The following RAB44 variants were observed in gnomAD, a reference collection of about 807,000 sequenced individuals.
RAB44 encodes the protein RAB44, member RAS oncogene family.
In RAB44, 67 loss-of-function variants were observed where a neutral mutation model predicts 93.3. That is an observed-to-expected ratio of 0.72 (90% confidence interval 0.59 to 0.88). The LOEUF is 0.88. RAB44 is among the 40% of genes least tolerant of loss of function. RAB44 has a pLI of 0.00. For missense variants in RAB44, 1,064 were observed against 1,261.7 expected (o/e 0.84, Z 2.37); for synonymous variants, 427 against 520.3 (o/e 0.82, Z 2.44).
At position 36,730,717 on chromosome 6, in the gene RAB44, C is replaced by T. The variant is rs1217677824; in HGVS notation, c.2943C>T (p.His981=). 4.1e-6 allele frequency: 5 copies of T among 1,234,216 alleles called. No individual in the cohort carries two copies. Among genetic ancestry groups the T allele is most frequent in the Non-Finnish European group, 4.0e-6 (4 of 988,406 alleles). The allele number at this position is 1,234,216 out of a possible 1,614,324, so 76.5% of individuals were successfully genotyped here. A position where few individuals can be genotyped will look rare whatever the true frequency, so the allele number is the denominator to read the frequency against. ...GGGAGTGCAGTGCCGCCTTGGGTCACAACATCCTGGAGCCTGTAGTAAACC... is the reference window on the plus strand; with the variant it reads ...GGGAGTGCAGTGCCGCCTTGGGTCATAACATCCTGGAGCCTGTAGTAAACC... ...YFGECSAALG[H]NILEPVVNLA... is the part of the protein sequence containing the mutation. Residue 981 remains histidine, a synonymous_variant, in exon 13 of 14, where the codon CAC becomes CAT. Transcript: ENST00000612677.
Position 36,715,102 on chromosome 6 carries a change from A to AATATATATATATATATATATATATATAT in RAB44, c.320-361_320-360insATATATATATATATATATATATATATAT, listed in dbSNP as rs3046039. ...TGGCTCACTTAGCAAGTTGGCTTAAAATATATATATATATATTCTTTTCAA... is the reference window on the plus strand; with the variant it reads ...TGGCTCACTTAGCAAGTTGGCTTAAAATATATATATATATATATATATATATATATATATATATATATATTCTTTTCAA... On this transcript the variant is annotated intron_variant, in intron 3 of 13. Transcript: ENST00000612677. Among the ~76,000 whole-genome samples the AATATATATATATATATATATATATATAT allele has an allele frequency of 2.6e-3, 378 of 148,046 alleles. 4 individuals carry two copies. Among genetic ancestry groups the AATATATATATATATATATATATATATAT allele is most frequent in the African/African-American group, 9.2e-3 (354 of 38,640 alleles).
chr6:36,719,275 A>G (rs1477756387), intron 7 of RAB44, among the ~76,000 whole-genome samples: 3 of 152,110 alleles, frequency 2.0e-5, no homozygotes, highest in Non-Finnish European at 4.4e-5. Context: ...CGTCCTCACC[A>G]CGGCCTGGGC....
chr6:36,731,014 T>C lies in RAB44; in HGVS notation c.2975+265T>C, dbSNP rs1336803301. 6.6e-6 allele frequency among the ~76,000 whole-genome samples: 1 copy of C among 152,022 alleles called. No individual in the cohort carries two copies. On this transcript the variant is annotated intron_variant, in intron 13 of 13. Transcript: ENST00000612677. The surrounding 1 kb of genome is among the most constrained non-coding windows in gnomAD (Gnocchi z 4.0). ...CTTAGGCTCTCTGAGCCTCAGTTTT[T>C]TCATTTGCAAAGAGGGCTGAGAAAA...
In RAB44 at chr6:36,731,723, C is replaced by T. The variant is rs911444963; in HGVS notation, c.2976-280C>T. ...CCCATCATTCCCGGGCTGCAGTCAC[C>T]CCTTTTCCTGTCTGTCTCTCTCACT... is the stretch of plus-strand genomic sequence containing the variant. On this transcript the variant is annotated intron_variant, in intron 13 of 13. Coordinates refer to ENST00000612677, the MANE Select transcript of RAB44 (RefSeq NM_001257357.2). This position sits in a 1 kb window ranked among gnomAD's most constrained non-coding sequence, Gnocchi z 4.0. Among the ~76,000 whole-genome samples, 3 of 152,124 alleles carry T rather than the reference C, an allele frequency of 2.0e-5. No homozygotes were observed. Among genetic ancestry groups the T allele is most frequent in the Non-Finnish European group, 4.4e-5 (3 of 68,020 alleles).
intron 9 of RAB44, among the ~76,000 whole-genome samples, chr6:36,725,155 C>T (rs1763204453): frequency 6.6e-6 from 1 of 152,156 alleles, no homozygotes; most frequent in Non-Finnish European, 1.5e-5. Context: ...ATTGCATGCT[C>T]TCTGGGTCAC....
At chr6:36,697,959 G>C (rs1762421123) in intron 1 of RAB44, 44 bp downstream of exon 1, 1 of 152,370 alleles carries the variant, frequency 6.6e-6, no homozygotes, top group African/African-American at 2.4e-5. Flanking sequence ...TTCTTTGGAA[G>C]GATGAGGATG....
At chr6:36,709,810 G>A (rs963534275) in intron 2 of RAB44, among the ~76,000 whole-genome samples, 5 of 152,144 alleles carry the variant, frequency 3.3e-5, no homozygotes, top group African/African-American at 1.2e-4. Context: ...ACCTGCCTAG[G>A]CCTCCCAAAG....
At chr6:36,699,241 A>G (rs1762455697) in intron 1 of RAB44, among the ~76,000 whole-genome samples, 1 of 152,120 alleles carries the variant, frequency 6.6e-6, no homozygotes, top group Admixed American at 6.5e-5. Context: ...TTCTTAAAAA[A>G]TGCCAGGGGA....
chr6:36,729,276 T>A (rs890365642), intron 12 of RAB44, among the ~76,000 whole-genome samples: 6 of 152,160 alleles, frequency 3.9e-5, no homozygotes, highest in African/African-American at 1.4e-4. Context: ...GTGAACACTA[T>A]CTATTCATGA....
chr6:36,705,170 A>C (rs1163718424), intron 2 of RAB44, among the ~76,000 whole-genome samples: 2 of 152,094 alleles, frequency 1.3e-5, no homozygotes, highest in Non-Finnish European at 2.9e-5. Context: ...TGGTTCAAAG[A>C]GCGTTTGAGA....
intron 2 of RAB44, among the ~76,000 whole-genome samples, chr6:36,708,535 G>A (rs772794722): frequency 1.1e-4 from 16 of 152,032 alleles, no homozygotes; most frequent in Non-Finnish European, 1.8e-4. Context: ...AGATTAAGAC[G>A]TCATGGGAGA....
intron 10 of RAB44, among the ~76,000 whole-genome samples, chr6:36,726,393 C>T (rs1763240519): frequency 6.6e-6 from 1 of 152,066 alleles, no homozygotes; most frequent in Non-Finnish European, 1.5e-5. Flanking sequence ...TACAGGTGCC[C>T]ACCACCACAT....
Position 36,725,854 on chromosome 6 carries a change from T to C in RAB44, c.2600-8T>C, listed in dbSNP as rs1357943374. 2 of 1,548,624 alleles carry C rather than the reference T, an allele frequency of 1.3e-6. No homozygotes were observed. The highest frequency in any genetic ancestry group is 2.4e-5 in the South Asian group (2 of 84,038). ...TTAGTAGGCTTCACCCCTCTCTATG[T>C]GTCCTAGGAGTAGATTTTCGGGTCA... is the stretch of plus-strand genomic sequence containing the variant. On this transcript the variant is annotated splice_region_variant and splice_polypyrimidine_tract_variant and intron_variant, in intron 9 of 13. Transcript: ENST00000612677.
chr6:36,704,693 T>C (rs1476870815), intron 2 of RAB44, among the ~76,000 whole-genome samples: 1 of 152,164 alleles, frequency 6.6e-6, no homozygotes, highest in African/African-American at 2.4e-5. Context: ...AATTTGCAAA[T>C]GGTATAATTT....
rs572967164 is a variant in RAB44, at chr6:36,724,781, T to C, written c.2600-1081T>C. Among the ~76,000 whole-genome samples, 4 of 152,276 alleles carry C rather than the reference T, an allele frequency of 2.6e-5. No individual in the cohort carries two copies. The South Asian group carries it at 8.3e-4, about 32-fold the overall frequency. On this transcript the variant is annotated intron_variant, in intron 9 of 13. Transcript: ENST00000612677. ...CCAGATCTGTCCCAATCCCAAGCTA[T>C]GGTTTGCTGCCCCCCGGTGGCTATC...
Position 36,730,607 on chromosome 6 carries a change from G to A in RAB44, c.2899-66G>A, listed in dbSNP as rs370555995. The A allele has an allele frequency of 3.4e-5, 34 of 1,009,138 alleles. No homozygotes were observed. In the African/African-American group the frequency reaches 4.0e-4, roughly 12 times the overall value. The allele number at this position is 1,009,138 out of a possible 1,614,324, so 62.5% of individuals were successfully genotyped here. ...TCTGATGGCCGGGACTTTAGTGGCG[G>A]GGTATGGCCTGGCCTTTCAGTTGTC... On this transcript the variant is annotated intron_variant, in intron 12 of 13. Transcript: ENST00000612677.
At chr6:36,707,359 CAA>C (rs71540164) in intron 2 of RAB44, among the ~76,000 whole-genome samples, 8 of 119,462 alleles carry the variant, frequency 6.7e-5, no homozygotes, top group Non-Finnish European at 7.2e-5. Context: ...GGCTCTGTCT[CAA>C]AAAAAAAAAA....
chr6:36,708,822 A>G (rs1261915564), intron 2 of RAB44, among the ~76,000 whole-genome samples: 1 of 152,054 alleles, frequency 6.6e-6, no homozygotes, highest in Non-Finnish European at 1.5e-5. Flanking sequence ...GAGCTCTAAG[A>G]CCAATTTATT....
chr6:36,699,753 C>T (rs1341615479), intron 1 of RAB44, among the ~76,000 whole-genome samples: 2 of 152,208 alleles, frequency 1.3e-5, no homozygotes, highest in Admixed American at 6.5e-5. Context: ...CCTCAGTTTC[C>T]TCATCTGTCA....
Sources: gnomAD v4.1 joint callset for allele counts (sites outside exome capture counted in the v4.1 genomes callset) on GRCh38, gnomAD v4.1.1 for gene constraint, Gnocchi (gnomAD v3.1) non-coding constraint, MANE v1.5 for transcripts, NCBI Gene and HGNC (gene_info 2026-07-23, HGNC 2026-07-21) for gene names.